Variants in BECN1 observed in about 807,000 individuals in gnomAD.
The protein encoded by BECN1 is beclin-1.
A neutral mutation model predicts 60.1 loss-of-function variants in BECN1; 15 were observed. The ratio of observed to expected loss-of-function variants is 0.25; its 90% CI spans 0.17 to 0.38. BECN1 has a LOEUF of 0.38. Ranked by LOEUF, BECN1 falls within the 10% of genes least tolerant of loss-of-function variation. BECN1 has a pLI of 1.00. For synonymous variants in BECN1, 179 were observed against 201.8 expected (o/e 0.89, Z 0.96); for missense variants, 424 against 548.2 (o/e 0.77, Z 2.26).
chr17:42,817,519 G>GTTCT (rs982992461), intron 7 of BECN1, among the ~76,000 whole-genome samples: 1 of 152,144 alleles, frequency 6.6e-6, no homozygotes, highest in Non-Finnish European at 1.5e-5. Context: ...TAGAGAGAGG[G>GTTCT]TTCTCTCAGG....
At chr17:42,821,592 CA>C (rs2144203793) in intron 2 of BECN1, among the ~76,000 whole-genome samples, 1 of 152,184 alleles carries the variant, frequency 6.6e-6, no homozygotes. Flanking sequence ...CCCAGAATAG[CA>C]AGGAGGGAAC....
intron 2 of BECN1, among the ~76,000 whole-genome samples, chr17:42,822,176 C>T (rs1297982367): frequency 6.6e-6 from 1 of 152,174 alleles, no homozygotes; most frequent in Non-Finnish European, 1.5e-5. Flanking sequence ...GCACTCCAGC[C>T]TGGCAACAGA....
chr17:42,819,976 C>T (rs57555534), intron 3 of BECN1, among the ~76,000 whole-genome samples: 1 of 152,148 alleles, frequency 6.6e-6, no homozygotes, highest in African/African-American at 2.4e-5. Context: ...TGAAGTCTGC[C>T]ACAGTACAAA....
At chr17:42,819,662 C>A in intron 3 of BECN1, 53 bp from the exon 4 acceptor site, 1 of 1,564,862 alleles carries the variant, frequency 6.4e-7, no homozygotes, top group South Asian at 1.1e-5. Flanking sequence ...AGGTAGAGTT[C>A]ATCTCCCAAA....
In BECN1 at chr17:42,819,800, C is replaced by T. The variant is rs75800314; in HGVS notation, c.199-191G>A. The stretch of plus-strand genomic sequence containing the variant: ...ACTAAGAAAGGACCCACGATACAGA[C>T]AAACCTTAAGTCCCATTTGATTTTT... On this transcript the variant is annotated intron_variant, in intron 3 of 11. Coordinates refer to ENST00000590099, the MANE Select transcript of BECN1 (RefSeq NM_001313998.2). Among the ~76,000 whole-genome samples, 1,381 of 152,168 alleles carry T rather than the reference C, an allele frequency of 9.1e-3. 19 individuals carry two copies. The highest frequency in any genetic ancestry group is 0.031 in the African/African-American group (1,274 of 41,512).
intron 9 of BECN1, chr17:42,814,313 C>G (rs2055099466): frequency 1.6e-6 from 1 of 640,330 alleles, no homozygotes; most frequent in Non-Finnish European, 2.6e-6. Flanking sequence ...AGGCTGGGAA[C>G]TATGCTATAG....
intron 10 of BECN1, chr17:42,812,747 A>G (rs779414080): frequency 1.3e-5 from 2 of 151,664 alleles, no homozygotes; most frequent in Non-Finnish European, 2.9e-5. Flanking sequence ...TAAAAATAAT[A>G]AAAAATGCTA....
rs781351865 is a variant in BECN1 at position 42,814,616 on chromosome 17, A to T, written c.888T>A (p.Val296=). The T allele has an allele frequency of 6.2e-7, 1 of 1,614,196 alleles. No individual in the cohort carries two copies. Residue 296 remains valine, a synonymous_variant, in exon 9 of 12, where the codon GTT becomes GTA. Transcript: ENST00000590099. ...NNFRLGRLPS[V]PVEWNEINAA... is the part of the protein sequence containing the mutation. The stretch of plus-strand genomic sequence containing the variant: ...CATTAATCTCATTCCATTCCACGGG[A>T]ACACTGGGCAGGCGACCCAGCCTGA...
rs1465627710 is a variant in BECN1, at chr17:42,820,769, A to G, written c.198+5T>C. On this transcript the variant is annotated splice_donor_5th_base_variant and intron_variant, in intron 3 of 11. Transcript: ENST00000590099. ...GGAGGATAGGGGAGAGGGCACTTCT[A>G]TTACCTCTCCTGAGTTAGTCTCTTC... 2.4e-5 allele frequency: 38 copies of G among 1,579,346 alleles called. No homozygotes were observed. The highest frequency in any genetic ancestry group is 2.9e-5 in the Non-Finnish European group (34 of 1,160,170).
intron 2 of BECN1, among the ~76,000 whole-genome samples, chr17:42,822,106 C>T (rs906120334): frequency 1.2e-4 from 18 of 152,002 alleles, no homozygotes; most frequent in African/African-American, 4.4e-4. Context: ...AGGAGGCTGA[C>T]GCAGGACAAT....
chr17:42,817,165 C>T (rs1286832614), intron 7 of BECN1, among the ~76,000 whole-genome samples: 3 of 151,556 alleles, frequency 2.0e-5, no homozygotes, highest in Non-Finnish European at 2.9e-5. Flanking sequence ...TATGGTGTTG[C>T]GCGCCTGTAG....
chr17:42,814,371 AG>A, intron 9 of BECN1, 152 bp downstream of exon 9: 1 of 1,000,984 alleles, frequency 1.0e-6, no homozygotes, highest in Non-Finnish European at 1.5e-6. Context: ...CCCTGTGATG[AG>A]GGGAAAATCA....
intron 8 of BECN1, chr17:42,815,568 A>G: frequency 3.4e-6 from 1 of 290,666 alleles, no homozygotes; most frequent in Non-Finnish European, 6.5e-6. Context: ...TTGCCCTCCT[A>G]GCACTCAGCA....
At position 42,814,526 on chromosome 17, in the gene BECN1, C is replaced by A. The variant is rs149225760; in HGVS notation, c.978G>T (p.Gln326His). ...CAAGAAAGGGCTACACTTCCTACCT[C>A]TGAAATTTCAGACCCATCTTATTGG... ...ALANKMGLKF[Q>H]RYRLVPYGNH... Residue 326 changes from glutamine to histidine, a missense_variant and splice_region_variant, in exon 9 of 12, where the codon CAG becomes CAT. Around this residue, in one of 3 missense-constraint regions of BECN1, gnomAD observed 326 missense variants for 406.2 expected, o/e 0.80. Transcript: ENST00000590099. The A allele has an allele frequency of 5.8e-5, 93 of 1,614,066 alleles. No homozygotes were observed. Among genetic ancestry groups the A allele is most frequent in the Non-Finnish European group, 5.6e-5 (66 of 1,180,034 alleles).
At chr17:42,816,355 G>A (rs2055145786) in intron 7 of BECN1, among the ~76,000 whole-genome samples, 1 of 152,184 alleles carries the variant, frequency 6.6e-6, no homozygotes, top group African/African-American at 2.4e-5. Flanking sequence ...GAATGGGTTA[G>A]GAGTGGCTTC....
chr17:42,822,873 T>C (rs1367495548), intron 2 of BECN1, among the ~76,000 whole-genome samples: 1 of 151,362 alleles, frequency 6.6e-6, no homozygotes, highest in East Asian at 1.9e-4. Context: ...AGAGACAAGA[T>C]CTCTGCTAGG....
intron 7 of BECN1, among the ~76,000 whole-genome samples, chr17:42,817,381 T>C (rs1019609724): frequency 1.3e-5 from 2 of 152,172 alleles, no homozygotes; most frequent in Non-Finnish European, 2.9e-5. Flanking sequence ...ATACACTTAC[T>C]GTCCTTTAAA....
intron 7 of BECN1, among the ~76,000 whole-genome samples, chr17:42,817,798 C>T (rs1044367292): frequency 7.9e-5 from 12 of 152,140 alleles, no homozygotes; most frequent in Non-Finnish European, 1.6e-4. Flanking sequence ...ATCCTTCTGC[C>T]TTGGCCTCCC....
chr17:42,821,963 T>C (rs2055273929), intron 2 of BECN1, among the ~76,000 whole-genome samples: 1 of 152,258 alleles, frequency 6.6e-6, no homozygotes, highest in East Asian at 1.9e-4. Context: ...TCCCAGCACT[T>C]TGGGAGGCTG....
Sources: gnomAD v4.1 joint callset for allele counts (sites outside exome capture counted in the v4.1 genomes callset) on GRCh38, gnomAD v4.1.1 for gene constraint, gnomAD v4.1.1 regional missense constraint, MANE v1.5 for transcripts, NCBI Gene and HGNC (gene_info 2026-07-23, HGNC 2026-07-21) for gene names.